Variants in NFIC observed in about 807,000 individuals in gnomAD.
The protein encoded by NFIC is nuclear factor 1 C-type.
A neutral mutation model predicts 54.4 loss-of-function variants in NFIC; 12 were observed. The ratio of observed to expected loss-of-function variants is 0.22; its 90% CI spans 0.14 to 0.36. The LOEUF is 0.36. Among genes scored for constraint, NFIC ranks in the 10% least tolerant of loss-of-function variants. The probability of loss-of-function intolerance (pLI) is 1.00; values close to 1 mark genes in which losing one functional copy is unlikely to be tolerated. For synonymous variants in NFIC, 322 were observed against 319.2 expected (o/e 1.01, Z -0.09); for missense variants, 575 against 718.2 (o/e 0.80, Z 2.28).
intron 9 of NFIC, among the ~76,000 whole-genome samples, chr19:3,456,108 G>A (rs971468087): frequency 2.6e-5 from 4 of 152,216 alleles, no homozygotes; most frequent in Non-Finnish European, 5.9e-5. Flanking sequence ...CTGTATGTAT[G>A]CACACACCCA....
chr19:3,450,726 G>A (rs1380207047), intron 7 of NFIC, among the ~76,000 whole-genome samples: 1 of 152,176 alleles, frequency 6.6e-6, no homozygotes, highest in Non-Finnish European at 1.5e-5. Flanking sequence ...GGGGTGAATT[G>A]TAGGAAGCCT....
At chr19:3,443,079 G>A (rs2082318123) in intron 6 of NFIC, among the ~76,000 whole-genome samples, 2 of 152,202 alleles carry the variant, frequency 1.3e-5, no homozygotes, top group African/African-American at 4.8e-5. Flanking sequence ...CCCCTCCCCA[G>A]GGAACGAGCC....
chr19:3,430,741 G>A (rs1224768424), intron 3 of NFIC, among the ~76,000 whole-genome samples: 1 of 151,878 alleles, frequency 6.6e-6, no homozygotes, highest in Non-Finnish European at 1.5e-5. Context: ...AGACCAGCCG[G>A]ACCAAGATGG....
chr19:3,385,515 GGTTT>G (rs1315788374), intron 2 of NFIC, among the ~76,000 whole-genome samples: 4 of 151,684 alleles, frequency 2.6e-5, no homozygotes, highest in South Asian at 2.1e-4. Flanking sequence ...CTTCGGGATT[GGTTT>G]GTTTGTTTGT....
At chr19:3,449,253 T>C in intron 7 of NFIC, 114 bp downstream of exon 7, 1 of 1,427,038 alleles carries the variant, frequency 7.0e-7, no homozygotes, top group South Asian at 1.4e-5. Context: ...TGTAGCCTTC[T>C]AGGTGGGCAA....
intron 2 of NFIC, among the ~76,000 whole-genome samples, chr19:3,411,862 C>G (rs2081767015): frequency 6.6e-6 from 1 of 152,142 alleles, no homozygotes; most frequent in Non-Finnish European, 1.5e-5. Context: ...TATATATTGA[C>G]CAGCACCAGG....
intron 1 of NFIC, among the ~76,000 whole-genome samples, chr19:3,379,067 T>C (rs1568405667): frequency 6.6e-6 from 1 of 152,274 alleles, no homozygotes; most frequent in Non-Finnish European, 1.5e-5. Context: ...TTTTTTGTTT[T>C]TTGTTTTCCC....
At chr19:3,444,760 T>A (rs936972572) in intron 6 of NFIC, among the ~76,000 whole-genome samples, 21 of 152,128 alleles carry the variant, frequency 1.4e-4, no homozygotes, top group African/African-American at 5.1e-4. Context: ...CTAACCTCGT[T>A]CCCGCCGTGG....
In NFIC at chr19:3,425,153, G is replaced by A; in HGVS notation, c.610G>A (p.Glu204Lys). Residue 204 changes from glutamate to lysine, a missense_variant, in exon 3 of 11, where the codon GAG (glutamate) becomes AAG (lysine). Physicochemically the swap from Glu to Lys is moderately conservative, Grantham distance 56 (BLOSUM62 1). This residue lies in a region of NFIC where 447 missense variants were observed against 526.9 expected (regional missense o/e 0.85). Transcript: ENST00000443272. Reference sequence around the variant, plus strand: ...CCGGACAGGGATGGGCTCTGACCAGGAGGACAGCAAGCCCATCACGCTGGG... The same window carrying A: ...CCGGACAGGGATGGGCTCTGACCAGAAGGACAGCAAGCCCATCACGCTGGG... ...SPRTGMGSDQ[E>K]DSKPITLDTT... is the part of the protein sequence containing the mutation. 2 of 1,612,570 alleles carry A rather than the reference G, an allele frequency of 1.2e-6. No individual in the cohort carries two copies. Among genetic ancestry groups the A allele is most frequent in the Non-Finnish European group, 1.7e-6 (2 of 1,179,882 alleles).
In NFIC at chr19:3,452,799, G is replaced by GT. The variant is rs2082488585; in HGVS notation, c.1269+134dup. 1 of 1,112,332 alleles carries GT rather than the reference G, an allele frequency of 9.0e-7. No individual in the cohort carries two copies. The highest frequency in any genetic ancestry group is 1.3e-6 in the Non-Finnish European group (1 of 793,146). The allele number at this position is 1,112,332 out of a possible 1,614,324, so 68.9% of individuals were successfully genotyped here. ...ACTTGGCTCTGAAGTCCCCTCCTCT[G>GT]TCGTGCTGGGAGGCAGCTGGATTGG... On this transcript the variant is annotated intron_variant, in intron 8 of 10. Coordinates refer to ENST00000443272, the MANE Select transcript of NFIC (RefSeq NM_001245002.2). This position sits in a 1 kb window ranked among gnomAD's most constrained non-coding sequence, Gnocchi z 5.3.
intron 6 of NFIC, among the ~76,000 whole-genome samples, chr19:3,436,312 T>TA (rs545693956): frequency 0.2 from 12,472 of 61,056 alleles, 733 homozygotes; most frequent in African/African-American, 0.41. Context: ...GCCGTTAATT[T>TA]TTTTTTTTTT....
chr19:3,450,813 T>G (rs2082450968), intron 7 of NFIC, among the ~76,000 whole-genome samples: 1 of 152,208 alleles, frequency 6.6e-6, no homozygotes, highest in African/African-American at 2.4e-5. Context: ...AGAGAGGCAG[T>G]CCCAAATCAA....
At chr19:3,404,703 G>A (rs2081615813) in intron 2 of NFIC, among the ~76,000 whole-genome samples, 1 of 152,230 alleles carries the variant, frequency 6.6e-6, no homozygotes, top group Admixed American at 6.5e-5. Context: ...TCTGGAACAG[G>A]GGAAGGGAGA....
chr19:3,444,592 C>A (rs1042736752), intron 6 of NFIC, among the ~76,000 whole-genome samples: 1 of 152,232 alleles, frequency 6.6e-6, no homozygotes, highest in Non-Finnish European at 1.5e-5. Flanking sequence ...TGCGCTCCCC[C>A]CTCCTTCCTG....
intron 1 of NFIC, among the ~76,000 whole-genome samples, chr19:3,376,416 G>A (rs2081106926): frequency 9.4e-6 from 1 of 106,752 alleles, no homozygotes; most frequent in African/African-American, 3.5e-5. Flanking sequence ...GCAACAGTGT[G>A]AGACACTGTC....
chr19:3,363,903 G>A (rs1431773354), upstream of NFIC, among the ~76,000 whole-genome samples: 1 of 152,204 alleles, frequency 6.6e-6, no homozygotes, highest in African/African-American at 2.4e-5. Context: ...GTGCCAAGGG[G>A]GAGAGCTCTC....
chr19:3,458,074 G>A lies in NFIC; in HGVS notation c.1509+1439G>A, dbSNP rs2082587022. 1 of 152,454 alleles carries A rather than the reference G, an allele frequency of 6.6e-6. No homozygotes were observed. Among genetic ancestry groups the A allele is most frequent in the Non-Finnish European group, 1.5e-5 (1 of 68,160 alleles). 9.4% of individuals were successfully genotyped at this position (152,454 alleles called of 1,614,324 possible). ...GCACCCGCACCAAGAGCCTTTGAAG[G>A]GCACTGGGGGACAGAAAGGGCACTG... On this transcript the variant is annotated intron_variant, in intron 10 of 10. Transcript: ENST00000443272. The surrounding 1 kb of genome is among the most constrained non-coding windows in gnomAD (Gnocchi z 4.1).
intron 6 of NFIC, among the ~76,000 whole-genome samples, chr19:3,437,495 A>G (rs1161750672): frequency 1.3e-5 from 2 of 152,040 alleles, no homozygotes; most frequent in Non-Finnish European, 2.9e-5. Flanking sequence ...AAGGGTCTCC[A>G]TCCCTCAGGG....
At chr19:3,403,670 T>A (rs2081592225) in intron 2 of NFIC, among the ~76,000 whole-genome samples, 2 of 152,202 alleles carry the variant, frequency 1.3e-5, no homozygotes, top group Non-Finnish European at 2.9e-5. Context: ...CCTGGGCGCC[T>A]GCCCGGGCTC....
Sources: gnomAD v4.1 joint callset for allele counts (sites outside exome capture counted in the v4.1 genomes callset) on GRCh38, gnomAD v4.1.1 for gene constraint, gnomAD v4.1.1 regional missense constraint, Gnocchi (gnomAD v3.1) non-coding constraint, MANE v1.5 for transcripts, NCBI Gene and HGNC (gene_info 2026-07-23, HGNC 2026-07-21) for gene names.